The following TPRG1 variants were observed in gnomAD, a reference collection of about 807,000 sequenced individuals.
TPRG1 encodes tumor protein p63 regulated 1, also known as tumor protein p63-regulated gene 1 protein.
A neutral mutation model predicts 29.3 loss-of-function variants in TPRG1; 29 were observed. The ratio of observed to expected loss-of-function variants is 0.99; its 90% confidence interval spans 0.74 to 1.35. The LOEUF (loss-of-function observed/expected upper bound fraction) is 1.35. TPRG1 is among the 40% of genes most tolerant of loss of function. TPRG1 has a pLI of 0.00. For synonymous variants in TPRG1, 130 were observed against 116.8 expected (o/e 1.11, Z -0.73); for missense variants, 327 against 335.0 (o/e 0.98, Z 0.19).
chr3:188,999,211 G>C (rs148127815), intron 1 of TPRG1, among the ~76,000 whole-genome samples: 1 of 152,212 alleles, frequency 6.6e-6, no homozygotes, highest in African/African-American at 2.4e-5. Flanking sequence ...GAAGGAAAGT[G>C]GTTGAAGTTG....
chr3:189,227,318 A>T (rs1344571415), intron 3 of TPRG1, among the ~76,000 whole-genome samples: 1 of 152,170 alleles, frequency 6.6e-6, no homozygotes, highest in African/African-American at 2.4e-5. Flanking sequence ...TAGCAGGGTA[A>T]CTGGTGAGAA....
At chr3:189,297,425 C>T (rs1053855142) in intron 4 of TPRG1, among the ~76,000 whole-genome samples, 2 of 152,130 alleles carry the variant, frequency 1.3e-5, no homozygotes, top group Non-Finnish European at 2.9e-5. Flanking sequence ...TGCCCATCCC[C>T]GCGGCCTGAG....
At chr3:189,053,203 C>T (rs886982489) in intron 4 of TPRG1, among the ~76,000 whole-genome samples, 2 of 152,222 alleles carry the variant, frequency 1.3e-5, no homozygotes, top group Non-Finnish European at 2.9e-5. Flanking sequence ...TTTAGGAAGA[C>T]AGCTTTTTTC....
intron 4 of TPRG1, among the ~76,000 whole-genome samples, chr3:189,296,971 CTCT>C (rs57313799): frequency 0.059 from 8,902 of 151,450 alleles, 607 homozygotes; most frequent in African/African-American, 0.16. Flanking sequence ...CTGATAAACC[CTCT>C]TCTTCTTCTT....
Position 189,187,848 on chromosome 3 carries a change from A to G in TPRG1, c.-10+15717A>G, listed in dbSNP as rs141777189. On this transcript the variant is annotated intron_variant, in intron 1 of 5. Transcript: ENST00000345063. ...TCAATTTTTATCTGAATTGCTTCTT[A>G]CCCATTATCTTCTGAAAGCGTTGAC... 2.3e-3 allele frequency among the ~76,000 whole-genome samples: 346 copies of G among 152,342 alleles called. 4 individuals carry two copies. The highest frequency in any genetic ancestry group is 3.4e-3 in the Non-Finnish European group (228 of 68,022).
At chr3:189,237,161 A>G (rs6789608) in intron 3 of TPRG1, among the ~76,000 whole-genome samples, 3,019 of 152,262 alleles carry the variant, frequency 0.02, 103 homozygotes, top group African/African-American at 0.068. Context: ...CAAAATGGTG[A>G]TAACTGGAAC....
chr3:189,097,169 T>C (rs1393439189), upstream of TPRG1, among the ~76,000 whole-genome samples: 5 of 152,232 alleles, frequency 3.3e-5, no homozygotes, highest in Admixed American at 6.5e-5. Flanking sequence ...AATTATCACA[T>C]ATTTCAACAT....
chr3:189,177,936 G>A (rs1178521335), intron 1 of TPRG1, among the ~76,000 whole-genome samples: 3 of 152,186 alleles, frequency 2.0e-5, no homozygotes, highest in Non-Finnish European at 2.9e-5. Context: ...CCAGCGTGCT[G>A]GGTGGACACT....
At chr3:189,158,651 C>T (rs1436769322) in intron 5 of TPRG1, among the ~76,000 whole-genome samples, 1 of 151,992 alleles carries the variant, frequency 6.6e-6, no homozygotes, top group African/African-American at 2.4e-5. Flanking sequence ...AAATAAATTG[C>T]AATGGGAAGA....
chr3:189,252,457 G>A (rs1007291581), intron 4 of TPRG1, among the ~76,000 whole-genome samples: 20 of 152,198 alleles, frequency 1.3e-4, no homozygotes, highest in South Asian at 4.2e-4. Context: ...TTTCTGAAAT[G>A]GGAGCCCTAA....
At chr3:189,161,764 G>A (rs370073739) in intron 5 of TPRG1, among the ~76,000 whole-genome samples, 1 of 152,178 alleles carries the variant, frequency 6.6e-6, no homozygotes, top group African/African-American at 2.4e-5. Context: ...ATCAGGGAAT[G>A]ACAATAGTCT....
At chr3:189,105,733 G>T (rs1164605695) in intron 1 of TPRG1, among the ~76,000 whole-genome samples, 1 of 152,132 alleles carries the variant, frequency 6.6e-6, no homozygotes, top group Non-Finnish European at 1.5e-5. Flanking sequence ...TTTCTTTGAA[G>T]CCTACGGAAT....
chr3:189,041,119 A>C (rs1714607591), intron 4 of TPRG1, among the ~76,000 whole-genome samples: 1 of 152,154 alleles, frequency 6.6e-6, no homozygotes, highest in South Asian at 2.1e-4. Flanking sequence ...CCCCTGAGCC[A>C]CAGCCATTTT....
intron 3 of TPRG1, among the ~76,000 whole-genome samples, chr3:189,136,337 G>T (rs1578482400): frequency 6.6e-6 from 1 of 152,122 alleles, no homozygotes; most frequent in South Asian, 2.1e-4. Flanking sequence ...ACTTCTGGGG[G>T]TGGAGAAGCC....
rs80059174 is a variant in TPRG1 at position 189,197,262 on chromosome 3, C to T, written c.-9-10114C>T. ...TGGCATTGGTTGATTTTTTTTATCT[C>T]TCTGCTTCTTTCTTGTTCATCTGTA... On this transcript the variant is annotated intron_variant, in intron 1 of 5. Transcript: ENST00000345063. 6.4e-3 allele frequency among the ~76,000 whole-genome samples: 967 copies of T among 152,234 alleles called. 12 individuals carry two copies. The highest frequency in any genetic ancestry group is 0.022 in the African/African-American group (912 of 41,546).
At chr3:189,146,120 G>A (rs756326503) in intron 3 of TPRG1, among the ~76,000 whole-genome samples, 8 of 152,174 alleles carry the variant, frequency 5.3e-5, no homozygotes, top group East Asian at 1.9e-4. Context: ...TGTGGCTTGT[G>A]GAACAGGAGA....
intron 4 of TPRG1, among the ~76,000 whole-genome samples, chr3:189,298,260 G>A (rs183464973): frequency 6.6e-6 from 1 of 152,314 alleles, no homozygotes; most frequent in East Asian, 1.9e-4. Flanking sequence ...TTAACAGGTT[G>A]TGATGGGAGC....
chr3:189,178,391 T>C (rs1729774102), intron 1 of TPRG1, among the ~76,000 whole-genome samples: 1 of 152,172 alleles, frequency 6.6e-6, no homozygotes, highest in Non-Finnish European at 1.5e-5. Flanking sequence ...TAGCTAGGCA[T>C]GGTGATGCGC....
At chr3:189,070,436 A>G (rs539418114) in intron 4 of TPRG1, among the ~76,000 whole-genome samples, 1 of 120,740 alleles carries the variant, frequency 8.3e-6, no homozygotes, top group South Asian at 2.5e-4. Context: ...AAAAATAAGT[A>G]TAAGTCCCCT....
Sources: gnomAD v4.1 joint callset for allele counts (sites outside exome capture counted in the v4.1 genomes callset) on GRCh38, gnomAD v4.1.1 for gene constraint, MANE v1.5 for transcripts, NCBI Gene and HGNC (gene_info 2026-07-23, HGNC 2026-07-21) for gene names.